PCDH15: variants seen among roughly 807,000 people sequenced by gnomAD.
The protein encoded by PCDH15 is protocadherin related 15.
In PCDH15, 129 loss-of-function variants were observed where a neutral mutation model predicts 178.5. The ratio of observed to expected loss-of-function variants is 0.72; its 90% CI spans 0.63 to 0.84. The LOEUF (loss-of-function observed/expected upper bound fraction) is 0.84. Among genes scored for constraint, PCDH15 ranks in the 40% least tolerant of loss-of-function variants. The pLI is 0.00. For synonymous variants in PCDH15, 800 were observed against 732.0 expected (o/e 1.09, Z -1.50); for missense variants, 2,230 against 2,099.9 (o/e 1.06, Z -1.21).
intron 3 of PCDH15, among the ~76,000 whole-genome samples, chr10:54,857,932 T>C (rs181973559): frequency 2.0e-5 from 3 of 152,288 alleles, no homozygotes; most frequent in African/African-American, 4.8e-5. Context: ...AATTAACATA[T>C]ATTTTATGTT....
chr10:54,133,973 T>TA (rs2042670977), intron 14 of PCDH15, among the ~76,000 whole-genome samples: 1 of 129,792 alleles, frequency 7.7e-6, no homozygotes, highest in Non-Finnish European at 1.7e-5. Flanking sequence ...GCTTTGAATT[T>TA]AACAAAGTCA....
chr10:54,022,408 T>C (rs2092951884), intron 19 of PCDH15, among the ~76,000 whole-genome samples: 1 of 152,116 alleles, frequency 6.6e-6, no homozygotes, highest in East Asian at 1.9e-4. Context: ...TGTAACTCTC[T>C]ATATTTTTTC....
intron 1 of PCDH15, among the ~76,000 whole-genome samples, chr10:55,191,736 CAAG>C (rs1177272036): frequency 1.3e-5 from 2 of 151,820 alleles, no homozygotes; most frequent in Non-Finnish European, 2.9e-5. Context: ...CCAGCAAACC[CAAG>C]AAGTGACCCA....
At chr10:53,876,014 T>C (rs1326411157) in intron 26 of PCDH15, among the ~76,000 whole-genome samples, 1 of 152,054 alleles carries the variant, frequency 6.6e-6, no homozygotes, top group Admixed American at 6.6e-5. Context: ...CATTTAACGG[T>C]ATTGAAGGCT....
At position 54,153,103 on chromosome 10, in the gene PCDH15, C is replaced by T. The variant is rs1402798500; in HGVS notation, c.1781G>A (p.Arg594Gln). ...CATTGGTTCTAATATAAATTACCTT[C>T]GCTCTGCAGGAGGAGCATTATCCGC... ...QAADNAPPAE[R>Q]RNSICTVYIE... The change falls in exon 14 of 38, where the codon CGA (arginine) becomes CAA (glutamine). Residue 594 changes from arginine (R) to glutamine (Q), a missense_variant. Physicochemically the swap from Arg to Gln is conservative, Grantham distance 43 (BLOSUM62 1). Transcript: ENST00000644397. 1.2e-6 allele frequency: 2 copies of T among 1,613,596 alleles called. No individual in the cohort carries two copies. The highest frequency in any genetic ancestry group is 1.3e-5 in the African/African-American group (1 of 74,902).
chr10:55,147,666 T>G (rs566075316), intron 2 of PCDH15, among the ~76,000 whole-genome samples: 1 of 151,362 alleles, frequency 6.6e-6, no homozygotes, highest in East Asian at 1.9e-4. Flanking sequence ...TTTTTTAAAT[T>G]TTATTATTAT....
intron 20 of PCDH15, among the ~76,000 whole-genome samples, chr10:54,017,617 T>C (rs1589934906): frequency 6.6e-6 from 1 of 151,740 alleles, no homozygotes; most frequent in African/African-American, 2.4e-5. Flanking sequence ...AAATAGCCAC[T>C]GAAAATTAAT....
chr10:54,081,685 A>G (rs2094439116), intron 16 of PCDH15, among the ~76,000 whole-genome samples: 1 of 152,104 alleles, frequency 6.6e-6, no homozygotes, highest in African/African-American at 2.4e-5. Flanking sequence ...GGAGGCTATC[A>G]GGCCAGGATA....
Position 55,055,615 on chromosome 10 carries a change from C to A in PCDH15, c.-80+110961G>T, listed in dbSNP as rs572222787. On this transcript the variant is annotated intron_variant, in intron 2 of 5. Transcript: ENST00000458638. ...TCCAGGATTTCGGGACCAATCTGGA[C>A]AACATGTTGAAACCTTATCCCTTCA... Among the ~76,000 whole-genome samples the A allele has an allele frequency of 5.3e-5, 8 of 152,132 alleles. No homozygotes were observed. The East Asian group carries it at 1.6e-3, about 29-fold the overall frequency.
chr10:55,128,249 A>G (rs906249294), intron 2 of PCDH15, among the ~76,000 whole-genome samples: 1 of 151,888 alleles, frequency 6.6e-6, no homozygotes, highest in African/African-American at 2.4e-5. Flanking sequence ...TTCTATTTGC[A>G]TATTAAAGAT....
At chr10:54,015,963 A>G (rs971450637) in intron 20 of PCDH15, among the ~76,000 whole-genome samples, 1 of 152,128 alleles carries the variant, frequency 6.6e-6, no homozygotes, top group Non-Finnish European at 1.5e-5. Context: ...CAAAAAAACT[A>G]TCAACAGAGT....
chr10:54,756,656 A>G (rs1339583052), intron 1 of PCDH15, among the ~76,000 whole-genome samples: 2 of 152,136 alleles, frequency 1.3e-5, no homozygotes, highest in Admixed American at 1.3e-4. Context: ...TAAACAAACC[A>G]GTCATTTATG....
chr10:54,132,434 T>C (rs1706088105), intron 15 of PCDH15, among the ~76,000 whole-genome samples: 1 of 152,184 alleles, frequency 6.6e-6, no homozygotes, highest in African/African-American at 2.4e-5. Flanking sequence ...GTGGGGTTTG[T>C]CTCAGAATTA....
chr10:55,328,913 C>CATATATATATATATAT (rs56104592), intron 2 of PCDH15, among the ~76,000 whole-genome samples: 59 of 111,324 alleles, frequency 5.3e-4, no homozygotes, highest in African/African-American at 1.1e-3. Flanking sequence ...TTCACACAAA[C>CATATATATATATATAT]ATATATATAT....
Position 54,794,115 on chromosome 10 carries a change from GATATATATAAGATATATAT to G in PCDH15, c.-29+6791_-29+6809del, listed in dbSNP as rs1246872669. ...TAAGATATATATTTCTTTCCTTTAAGATATATATAAGATATATATATATCTTATATATATCTTAAAGGAA... is the reference window on the plus strand; with the variant it reads ...TAAGATATATATTTCTTTCCTTTAAGATATCTTATATATATCTTAAAGGAA... On this transcript the variant is annotated intron_variant, in intron 1 of 37. Coordinates refer to ENST00000644397, the MANE Select transcript of PCDH15 (RefSeq NM_001384140.1). Among the ~76,000 whole-genome samples the G allele has an allele frequency of 6.2e-5, 9 of 144,528 alleles. No individual in the cohort carries two copies. The East Asian group carries it at 1.8e-3, about 29-fold the overall frequency. The allele number at this position is 144,528 out of a possible 152,430, so 94.8% of individuals were successfully genotyped here. A position where few individuals can be genotyped will look rare whatever the true frequency, so the allele number is the denominator to read the frequency against.
intron 2 of PCDH15, among the ~76,000 whole-genome samples, chr10:55,123,015 A>G (rs1453625641): frequency 1.3e-5 from 2 of 152,118 alleles, no homozygotes; most frequent in African/African-American, 4.8e-5. Context: ...CACATTTCCT[A>G]GATTATTCAA....
chr10:55,044,228 T>C (rs932683407), intron 2 of PCDH15, among the ~76,000 whole-genome samples: 1 of 152,290 alleles, frequency 6.6e-6, no homozygotes, highest in Non-Finnish European at 1.5e-5. Flanking sequence ...CTAGAAATAC[T>C]GCACCATAGT....
chr10:54,465,595 GTTTTTCA>G (rs2077465788), intron 3 of PCDH15, among the ~76,000 whole-genome samples: 1 of 152,004 alleles, frequency 6.6e-6, no homozygotes, highest in African/African-American at 2.4e-5. Flanking sequence ...TGGCTGAATA[GTTTTTCA>G]TTGTGTGCCA....
intron 3 of PCDH15, among the ~76,000 whole-genome samples, chr10:54,823,582 G>A (rs1953082016): frequency 6.6e-6 from 1 of 152,056 alleles, no homozygotes; most frequent in Admixed American, 6.6e-5. Context: ...TAAGTAGGAA[G>A]TATCAGACTT....
Sources: gnomAD v4.1 joint callset for allele counts (sites outside exome capture counted in the v4.1 genomes callset) on GRCh38, gnomAD v4.1.1 for gene constraint, MANE v1.5 for transcripts, NCBI Gene and HGNC (gene_info 2026-07-23, HGNC 2026-07-21) for gene names.